The following RNF130 variants were observed in gnomAD, a reference collection of about 807,000 sequenced individuals.
The protein encoded by RNF130 is E3 ubiquitin-protein ligase RNF130.
In RNF130, 21 loss-of-function variants were observed where a neutral mutation model predicts 44.6. The observed-to-expected ratio is 0.47, with a 90% CI of 0.33 to 0.68. The LOEUF (loss-of-function observed/expected upper bound fraction) is 0.68. Among genes scored for constraint, RNF130 ranks in the 30% least tolerant of loss-of-function variants. The pLI is 0.02. For missense variants in RNF130, 479 were observed against 560.6 expected (o/e 0.85, Z 1.47); for synonymous variants, 214 against 210.4 (o/e 1.02, Z -0.15).
intron 1 of RNF130, among the ~76,000 whole-genome samples, chr5:180,041,362 A>G (rs1304266891): frequency 1.3e-5 from 2 of 152,228 alleles, no homozygotes; most frequent in East Asian, 3.8e-4. Context: ...AGGTTACAAG[A>G]AGACACTAAG....
chr5:180,040,769 C>T, intron 1 of RNF130, 122 bp from the exon 2 acceptor site: 1 of 812,580 alleles, frequency 1.2e-6, no homozygotes. Flanking sequence ...TCGCTGCCAG[C>T]AGAGCTATGA....
chr5:179,928,504 T>C (rs1359646515), intron 7 of RNF130, among the ~76,000 whole-genome samples: 1 of 152,224 alleles, frequency 6.6e-6, no homozygotes, highest in African/African-American at 2.4e-5. Context: ...GAAATGTCTC[T>C]TTGTTTCTTT....
At chr5:179,992,899 A>G (rs1222506715) in intron 3 of RNF130, among the ~76,000 whole-genome samples, 1 of 152,010 alleles carries the variant, frequency 6.6e-6, no homozygotes, top group Non-Finnish European at 1.5e-5. Context: ...GACAGGCCCC[A>G]GTGTGTGATG....
At chr5:179,978,105 T>C in intron 5 of RNF130, 98 bp downstream of exon 5, 2 of 997,830 alleles carry the variant, frequency 2.0e-6, no homozygotes, top group Non-Finnish European at 3.2e-6. Flanking sequence ...AGCCACGAGG[T>C]GGGTGGCGCT....
chr5:179,976,276 T>C (rs1447267609), intron 5 of RNF130, among the ~76,000 whole-genome samples: 1 of 152,172 alleles, frequency 6.6e-6, no homozygotes, highest in Non-Finnish European at 1.5e-5. Context: ...AGGCCGAGCC[T>C]CCCCTGAGGG....
chr5:180,020,528 C>T (rs74496447), intron 2 of RNF130, among the ~76,000 whole-genome samples: 2,167 of 152,294 alleles, frequency 0.014, 52 homozygotes, highest in African/African-American at 0.048. Flanking sequence ...GTGTAAGCCA[C>T]TGAGTGGTAG....
intron 1 of RNF130, among the ~76,000 whole-genome samples, chr5:180,057,723 T>C (rs1764867113): frequency 6.6e-6 from 1 of 152,210 alleles, no homozygotes; most frequent in Non-Finnish European, 1.5e-5. Context: ...TACCTCTCCA[T>C]CCGGCTCTTA....
At chr5:179,914,925 G>C (rs750355177) in exon 8 of RNF130, 1 of 152,140 alleles carries the variant, frequency 6.6e-6, no homozygotes, top group Non-Finnish European at 1.5e-5. Flanking sequence ...CCAGTTACTC[G>C]GGAGGCAGAG....
intron 5 of RNF130, among the ~76,000 whole-genome samples, chr5:179,974,216 C>T (rs908328907): frequency 6.6e-6 from 1 of 152,232 alleles, no homozygotes; most frequent in Admixed American, 6.5e-5. Flanking sequence ...GCAGTGGAGC[C>T]TCAGACATCT....
chr5:179,968,633 T>A (rs1472900645), intron 6 of RNF130, among the ~76,000 whole-genome samples: 1 of 133,190 alleles, frequency 7.5e-6, no homozygotes. Context: ...ACCACTGCAC[T>A]CCAGCCTGGG....
At chr5:179,970,282 T>C (rs1334404703) in intron 6 of RNF130, 128 bp downstream of exon 6, 3 of 631,028 alleles carry the variant, frequency 4.8e-6, no homozygotes, top group African/African-American at 3.7e-5. Flanking sequence ...CATGGTTACA[T>C]GGCAAATATA....
chr5:180,030,411 T>C (rs765397899), intron 2 of RNF130, among the ~76,000 whole-genome samples: 2 of 152,232 alleles, frequency 1.3e-5, no homozygotes, highest in Non-Finnish European at 2.9e-5. Context: ...CTCATCTTTG[T>C]AAGTGTACAA....
intron 1 of RNF130, among the ~76,000 whole-genome samples, chr5:180,066,999 A>G (rs1765123428): frequency 6.6e-6 from 1 of 152,152 alleles, no homozygotes; most frequent in South Asian, 2.1e-4. Flanking sequence ...ACTGCATTCC[A>G]GCCCGGGCAA....
intron 7 of RNF130, among the ~76,000 whole-genome samples, chr5:179,922,107 A>G (rs1761641175): frequency 6.6e-6 from 1 of 151,690 alleles, no homozygotes; most frequent in Non-Finnish European, 1.5e-5. Flanking sequence ...ACTCACAAAC[A>G]CTTGACATGG....
intron 5 of RNF130, among the ~76,000 whole-genome samples, chr5:179,975,449 T>A (rs929044535): frequency 2.0e-5 from 3 of 152,214 alleles, no homozygotes; most frequent in African/African-American, 7.2e-5. Context: ...ATGTCAACAG[T>A]GCCAAGGCTG....
chr5:179,995,446 G>C (rs1426510424), intron 3 of RNF130, among the ~76,000 whole-genome samples: 2 of 152,144 alleles, frequency 1.3e-5, no homozygotes, highest in Admixed American at 6.6e-5. Context: ...TCCTACCAAA[G>C]ACCCAGTGTT....
At chr5:180,048,781 A>G (rs1161063947) in intron 1 of RNF130, among the ~76,000 whole-genome samples, 1 of 152,198 alleles carries the variant, frequency 6.6e-6, no homozygotes, top group African/African-American at 2.4e-5. Context: ...TCATCCTAAG[A>G]GTCCCCTCTT....
intron 2 of RNF130, among the ~76,000 whole-genome samples, chr5:180,038,246 G>C (rs1480440018): frequency 6.8e-6 from 1 of 147,816 alleles, no homozygotes; most frequent in African/African-American, 2.4e-5. Context: ...GTAGAGATGG[G>C]GTCTCCCTAT....
intron 7 of RNF130, among the ~76,000 whole-genome samples, chr5:179,937,949 A>G (rs1000130504): frequency 6.6e-6 from 1 of 150,614 alleles, no homozygotes; most frequent in Admixed American, 6.6e-5. Flanking sequence ...AGAGAGAGAG[A>G]GAGAGAGAGA....
Sources: allele counts gnomAD v4.1 joint callset (sites outside exome capture counted in the v4.1 genomes callset), GRCh38; gene constraint gnomAD v4.1.1; transcripts MANE v1.5; gene names NCBI Gene and HGNC (gene_info 2026-07-23, HGNC 2026-07-21).